The following ZBTB20 variants were observed in gnomAD, a reference collection of about 807,000 sequenced individuals.
ZBTB20 encodes the protein zinc finger and BTB domain containing 20, also known as zinc finger and BTB domain-containing protein 20.
ZBTB20 carries 9 observed loss-of-function variants against 56.9 expected under a neutral mutation model. The observed-to-expected ratio is 0.16, with a 90% CI of 0.10 to 0.28. The LOEUF (loss-of-function observed/expected upper bound fraction) is 0.28, where lower values mean the gene tolerates loss of function less well. Among genes scored for constraint, ZBTB20 ranks in the 10% least tolerant of loss-of-function variants. The pLI is 1.00. For missense variants in ZBTB20, 655 were observed against 1,003.0 expected (o/e 0.65, Z 4.69); for synonymous variants, 417 against 420.7 (o/e 0.99, Z 0.11).
chr3:114,371,753 A>C (rs546992693), intron 10 of ZBTB20, among the ~76,000 whole-genome samples: 1 of 152,332 alleles, frequency 6.6e-6, no homozygotes, highest in South Asian at 2.1e-4. Context: ...TTATGCTGGG[A>C]AACTTTCGTT....
intron 5 of ZBTB20, among the ~76,000 whole-genome samples, chr3:114,790,511 C>T (rs1404735891): frequency 6.6e-6 from 1 of 151,920 alleles, no homozygotes; most frequent in Non-Finnish European, 1.5e-5. Flanking sequence ...CTAATGGCTG[C>T]ATTATCTTCA....
intron 5 of ZBTB20, among the ~76,000 whole-genome samples, chr3:114,742,576 T>G (rs973962004): frequency 6.6e-6 from 1 of 152,192 alleles, no homozygotes; most frequent in Non-Finnish European, 1.5e-5. Context: ...TGCTATTATT[T>G]TCATTTTACA....
At chr3:114,651,900 G>A (rs2060156267) in intron 6 of ZBTB20, among the ~76,000 whole-genome samples, 1 of 151,988 alleles carries the variant, frequency 6.6e-6, no homozygotes, top group Admixed American at 6.6e-5. Flanking sequence ...CAGAGCAATA[G>A]GCAGAAGAGA....
chr3:114,537,733 A>C (rs1378875912), intron 6 of ZBTB20, among the ~76,000 whole-genome samples: 1 of 152,220 alleles, frequency 6.6e-6, no homozygotes, highest in Non-Finnish European at 1.5e-5. Context: ...CTTGGAACCA[A>C]GCCAAATGCC....
intron 7 of ZBTB20, among the ~76,000 whole-genome samples, chr3:114,438,958 T>C (rs753832678): frequency 6.6e-6 from 1 of 151,978 alleles, no homozygotes; most frequent in African/African-American, 2.4e-5. Context: ...ACCACAACTC[T>C]CAAAACTCTC....
At chr3:114,431,673 G>T in intron 7 of ZBTB20, among the ~76,000 whole-genome samples, 1 of 152,088 alleles carries the variant, frequency 6.6e-6, no homozygotes, top group East Asian at 1.9e-4. Context: ...ACAATAAAAA[G>T]GACACATGAC....
intron 1 of ZBTB20, among the ~76,000 whole-genome samples, chr3:115,083,862 T>G (rs2082886289): frequency 1.3e-5 from 2 of 151,918 alleles, no homozygotes; most frequent in South Asian, 4.1e-4. Context: ...TCTAAATATT[T>G]TTGAAATAGC....
In ZBTB20 at chr3:114,335,131, C is replaced by CT. The variant is rs1487391259; in HGVS notation, c.*3873dup. 1 of 152,052 alleles carries CT rather than the reference C, an allele frequency of 6.6e-6. No homozygotes were observed. Among genetic ancestry groups the CT allele is most frequent in the Non-Finnish European group, 1.5e-5 (1 of 67,990 alleles). 9.4% of individuals were successfully genotyped at this position (152,052 alleles called of 1,614,324 possible). A position where few individuals can be genotyped will look rare whatever the true frequency, so the allele number is the denominator to read the frequency against. On this transcript the variant is annotated 3_prime_UTR_variant, in exon 12 of 12. Transcript: ENST00000675478. The stretch of plus-strand genomic sequence containing the variant: ...TCTTGAGATAAAAATTCCCCTTTGA[C>CT]TTTTTTTCCTCTCCCTTGTTTGGCA...
At chr3:114,912,263 T>A (rs1361453192) in intron 3 of ZBTB20, among the ~76,000 whole-genome samples, 1 of 150,382 alleles carries the variant, frequency 6.6e-6, no homozygotes, top group Non-Finnish European at 1.5e-5. Context: ...GAAGAAATGC[T>A]AAAGAAAGCT....
intron 4 of ZBTB20, among the ~76,000 whole-genome samples, chr3:114,886,692 C>T (rs2076614089): frequency 6.6e-6 from 1 of 152,064 alleles, no homozygotes; most frequent in Admixed American, 6.5e-5. Context: ...CTATTCTATG[C>T]CTCAACCTTG....
In ZBTB20 at chr3:114,314,934, A is replaced by C. The variant is rs1441341963; in HGVS notation, c.*24071T>G. ...CTAATATTAAATGGCAGGTAAGGAT[A>C]CTGTCACTGTAAGAAAAAACTGGCA... On this transcript the variant is annotated 3_prime_UTR_variant, in exon 12 of 12. Coordinates refer to ENST00000675478, the MANE Select transcript of ZBTB20 (RefSeq NM_001348800.3). 6.6e-6 allele frequency: 1 copy of C among 152,202 alleles called. No homozygotes were observed. Among genetic ancestry groups the C allele is most frequent in the East Asian group, 1.9e-4 (1 of 5,198 alleles). The allele number at this position is 152,202 out of a possible 1,614,324, so 9.4% of individuals were successfully genotyped here.
rs1381782598 is a variant in ZBTB20, at chr3:114,337,176, T to A, written c.*1829A>T. ...TAATTCGTCATCTAAAGAATGATCA[T>A]CTTATTCAGCCCTCTTAACCATGGT... is the stretch of plus-strand genomic sequence containing the variant. On this transcript the variant is annotated 3_prime_UTR_variant, in exon 12 of 12. Transcript: ENST00000675478. 2 of 152,206 alleles carry A rather than the reference T, an allele frequency of 1.3e-5. No homozygotes were observed. The highest frequency in any genetic ancestry group is 4.8e-5 in the African/African-American group (2 of 41,442). 9.4% of individuals were successfully genotyped at this position (152,206 alleles called of 1,614,324 possible).
chr3:114,739,311 T>C (rs902117687), intron 5 of ZBTB20, among the ~76,000 whole-genome samples: 1 of 152,212 alleles, frequency 6.6e-6, no homozygotes, highest in African/African-American at 2.4e-5. Flanking sequence ...GAGCTTCCAA[T>C]TGTCAGGCCC....
At chr3:114,514,404 G>T (rs1479333953) in intron 6 of ZBTB20, among the ~76,000 whole-genome samples, 1 of 152,174 alleles carries the variant, frequency 6.6e-6, no homozygotes, top group Non-Finnish European at 1.5e-5. Flanking sequence ...GCATAACATG[G>T]TTGGTTACTT....
At chr3:114,534,331 T>G (rs1248376433) in intron 6 of ZBTB20, among the ~76,000 whole-genome samples, 2 of 149,774 alleles carry the variant, frequency 1.3e-5, no homozygotes, top group East Asian at 3.9e-4. Context: ...AATGCAGGGG[T>G]TGCAATCCTA....
chr3:114,942,244 C>A lies in ZBTB20; in HGVS notation c.-456+32122G>T, dbSNP rs749145548. Among the ~76,000 whole-genome samples, 4 of 145,712 alleles carry A rather than the reference C, an allele frequency of 2.7e-5. 1 individual carries two copies. The highest frequency in any genetic ancestry group is 1.1e-4 in the African/African-American group (4 of 35,746). ...AAAATTTCCTTTGTATCAGGGATAACCAACTGTCTTTTATAAATAATGTTA... is the reference window on the plus strand; with the variant it reads ...AAAATTTCCTTTGTATCAGGGATAAACAACTGTCTTTTATAAATAATGTTA... On this transcript the variant is annotated intron_variant, in intron 3 of 11. Transcript: ENST00000675478.
chr3:114,844,332 T>C (rs1474350697), intron 4 of ZBTB20, among the ~76,000 whole-genome samples: 2 of 6,966 alleles, frequency 2.9e-4, no homozygotes, highest in African/African-American at 4.3e-4. Flanking sequence ...CTGGAGTAAA[T>C]ATATATATAT....
At chr3:114,598,812 A>G (rs1452608443) in intron 6 of ZBTB20, among the ~76,000 whole-genome samples, 1 of 152,128 alleles carries the variant, frequency 6.6e-6, no homozygotes, top group Non-Finnish European at 1.5e-5. Context: ...AAGAAACTTG[A>G]AAACACTAAA....
chr3:114,817,245 G>A (rs976973130), intron 4 of ZBTB20, among the ~76,000 whole-genome samples: 8 of 149,554 alleles, frequency 5.3e-5, no homozygotes, highest in South Asian at 4.2e-4. Context: ...TAAATTGGGC[G>A]TGGTGGCTTA....
Sources: gnomAD v4.1 joint callset for allele counts (sites outside exome capture counted in the v4.1 genomes callset) on GRCh38, gnomAD v4.1.1 for gene constraint, MANE v1.5 for transcripts, NCBI Gene and HGNC (gene_info 2026-07-23, HGNC 2026-07-21) for gene names.